Variants in DIAPH2 observed in about 807,000 individuals in gnomAD.
DIAPH2 encodes protein diaphanous homolog 2.
DIAPH2 carries 35 observed loss-of-function variants against 92.7 expected under a neutral mutation model. The observed-to-expected ratio is 0.38, with a 90% CI of 0.29 to 0.50. The LOEUF (loss-of-function observed/expected upper bound fraction) is 0.50, where lower values mean the gene tolerates loss of function less well. Among genes scored for constraint, DIAPH2 ranks in the 20% least tolerant of loss-of-function variants. The pLI, the probability that DIAPH2 is intolerant of heterozygous loss-of-function variation, is 0.94. For missense variants in DIAPH2, 701 were observed against 819.5 expected, an observed-to-expected ratio of 0.86 and a Z score of 1.77; for synonymous variants, 301 against 280.4, an observed-to-expected ratio of 1.07 and a Z score of -0.73.
At chrX:97,453,189 TAATG>T (rs1177762879) in intron 26 of DIAPH2, among the ~76,000 whole-genome samples, 55 of 111,760 alleles carry the variant, frequency 4.9e-4, no homozygotes, top group African/African-American at 1.7e-3. Context: ...ATTTTTACAT[TAATG>T]AATATCTTGA....
intron 4 of DIAPH2, among the ~76,000 whole-genome samples, chrX:96,765,468 A>G (rs6523057): frequency 0.16 from 17,402 of 110,779 alleles, 1,180 homozygotes; most frequent in East Asian, 0.32. Flanking sequence ...TAAAGTGCTG[A>G]GATTACAGGC....
At chrX:97,213,604 C>G (rs1381619358) in intron 22 of DIAPH2, among the ~76,000 whole-genome samples, 2 of 111,894 alleles carry the variant, frequency 1.8e-5, no homozygotes, top group Non-Finnish European at 3.8e-5. Flanking sequence ...CATCTCTTAG[C>G]AATGTTTCCA....
At chrX:97,104,474 G>A (rs147527705) in intron 20 of DIAPH2, among the ~76,000 whole-genome samples, 1,816 of 109,455 alleles carry the variant, frequency 0.017, 31 homozygotes, top group African/African-American at 0.057. Flanking sequence ...CTGCAGCCTC[G>A]AACTCCTAGG....
In DIAPH2 at chrX:97,602,564, C is replaced by CTGT. The variant is rs1430043008; in HGVS notation, c.*3249_*3251dup. 8.9e-6 allele frequency: 1 copy of CTGT among 112,467 alleles called. No individual in the cohort carries two copies. Among genetic ancestry groups the CTGT allele is most frequent in the East Asian group, 2.8e-4 (1 of 3,585 alleles). The allele number at this position is 112,467 out of a possible 1,213,427, so 9.3% of individuals were successfully genotyped here. Reference sequence around the variant, plus strand: ...TTTCAAAATCTAGCCAGGCAAATTTCTGTTATATTTCAAGGCCTGGCAGTA... The same window carrying CTGT: ...TTTCAAAATCTAGCCAGGCAAATTTCTGTTGTTATATTTCAAGGCCTGGCAGTA... On this transcript the variant is annotated 3_prime_UTR_variant, in exon 27 of 27. Coordinates refer to ENST00000324765, the MANE Select transcript of DIAPH2 (RefSeq NM_006729.5).
chrX:97,540,777 A>G (rs1733909644), intron 26 of DIAPH2, among the ~76,000 whole-genome samples: 1 of 112,353 alleles, frequency 8.9e-6, no homozygotes, highest in Non-Finnish European at 1.9e-5. Flanking sequence ...ATAATGAGCT[A>G]TAAAGATAGA....
Position 97,215,154 on chromosome X carries a change from T to A in DIAPH2, c.2720-32561T>A, listed in dbSNP as rs1339342217. Among the ~76,000 whole-genome samples the A allele has an allele frequency of 6.3e-5, 7 of 111,556 alleles. No individual in the cohort carries two copies. The Admixed American group carries it at 6.7e-4, about 11-fold the overall frequency. On this transcript the variant is annotated intron_variant, in intron 22 of 26. Transcript: ENST00000324765. Reference sequence around the variant, plus strand: ...AACATGCATAAAGGAAATATAATGATCTCATCAAATCTGTCTCCTTCTGAG... The same window carrying A: ...AACATGCATAAAGGAAATATAATGAACTCATCAAATCTGTCTCCTTCTGAG...
chrX:97,126,729 C>T lies in DIAPH2; in HGVS notation c.2589+11764C>T, dbSNP rs765756619. On this transcript the variant is annotated intron_variant, in intron 21 of 26. Transcript: ENST00000324765. ...GCTAACTAACCACAAGACAAGAAAG[C>T]GCATACTCTGTTAGATGATATCTAT... 1.3e-4 allele frequency among the ~76,000 whole-genome samples: 15 copies of T among 112,181 alleles called. No homozygotes were observed. In the South Asian group the frequency reaches 1.5e-3, roughly 11 times the overall value.
In DIAPH2 at chrX:97,511,184, A is replaced by C. The variant is rs1213490959; in HGVS notation, c.3241+81439A>C. Among the ~76,000 whole-genome samples the C allele has an allele frequency of 2.4e-4, 22 of 91,642 alleles. No individual in the cohort carries two copies. The South Asian group carries it at 2.9e-3, about 12-fold the overall frequency. The allele number at this position is 91,642 out of a possible 115,157, so 79.6% of individuals were successfully genotyped here. A position where few individuals can be genotyped will look rare whatever the true frequency, so the allele number is the denominator to read the frequency against. Reference sequence around the variant, plus strand: ...ATTTGTTTGTATCCTCTTTTATTTCATTGAGCAGTGGTTTGTAGTTCTCCT... The same window carrying C: ...ATTTGTTTGTATCCTCTTTTATTTCCTTGAGCAGTGGTTTGTAGTTCTCCT... On this transcript the variant is annotated intron_variant, in intron 26 of 26. Coordinates refer to ENST00000324765, the MANE Select transcript of DIAPH2 (RefSeq NM_006729.5).
chrX:96,922,309 C>T (rs1475800061), intron 9 of DIAPH2, among the ~76,000 whole-genome samples: 1 of 111,347 alleles, frequency 9.0e-6, no homozygotes, highest in Non-Finnish European at 1.9e-5. Flanking sequence ...TCTCTTCTTC[C>T]TGTGTTTCCT....
intron 26 of DIAPH2, among the ~76,000 whole-genome samples, chrX:97,435,459 A>G (rs1463878227): frequency 2.7e-5 from 3 of 111,841 alleles, no homozygotes; most frequent in Admixed American, 9.5e-5. Context: ...AAGCCTGTGC[A>G]GCATAGGAGT....
chrX:96,712,627 C>G (rs778719041), intron 1 of DIAPH2, among the ~76,000 whole-genome samples: 1 of 111,300 alleles, frequency 9.0e-6, no homozygotes, highest in Non-Finnish European at 1.9e-5. Flanking sequence ...AATCTCACAT[C>G]AATCTTCATC....
At chrX:96,754,662 C>T (rs376192500) in intron 3 of DIAPH2, among the ~76,000 whole-genome samples, 63 of 110,240 alleles carry the variant, frequency 5.7e-4, no homozygotes, top group African/African-American at 1.8e-3. Flanking sequence ...TGGTGGCTCA[C>T]GCTTGTAATC....
intron 19 of DIAPH2, among the ~76,000 whole-genome samples, chrX:97,091,400 C>T (rs1232360176): frequency 1.8e-5 from 2 of 110,608 alleles, no homozygotes; most frequent in African/African-American, 6.6e-5. Context: ...CTTGGCTTCC[C>T]GAGCAGCTGG....
intron 5 of DIAPH2, among the ~76,000 whole-genome samples, chrX:96,890,275 G>A (rs1230213878): frequency 2.7e-5 from 3 of 111,905 alleles, no homozygotes; most frequent in Non-Finnish European, 5.6e-5. Context: ...CTAAGCCTCT[G>A]TGTTCTGTAT....
Position 97,099,701 on chromosome X carries a change from T to G in DIAPH2, c.2255T>G (p.Val752Gly). The stretch of plus-strand genomic sequence containing the variant: ...ACTTTTATTTCTTTTTAGAACCTTG[T>G]GAAACATCTTCCTGAGCAGAAGATA... Reference protein sequence around the residue: ...MLSEALIQNLVKHLPEQKILN... With the variant: ...MLSEALIQNLGKHLPEQKILN... Residue 752 changes from valine to glycine, a missense_variant, in exon 20 of 27, where the codon GTG (valine) becomes GGG (glycine). By Grantham distance (109) the Val-to-Gly change is moderately radical (BLOSUM62 -3). Coordinates refer to ENST00000324765, the MANE Select transcript of DIAPH2 (RefSeq NM_006729.5). 8.6e-7 allele frequency: 1 copy of G among 1,167,864 alleles called. No homozygotes were observed. The highest frequency in any genetic ancestry group is 1.1e-6 in the Non-Finnish European group (1 of 874,182).
intron 25 of DIAPH2, among the ~76,000 whole-genome samples, chrX:97,401,491 G>A (rs747591373): frequency 9.0e-6 from 1 of 111,555 alleles, no homozygotes; most frequent in South Asian, 3.8e-4. Context: ...CTTTCAGCCT[G>A]AGTTTCTTCT....
intron 26 of DIAPH2, among the ~76,000 whole-genome samples, chrX:97,472,786 A>G (rs902841337): frequency 8.9e-6 from 1 of 112,312 alleles, no homozygotes; most frequent in African/African-American, 3.2e-5. Flanking sequence ...CAGTATCTCT[A>G]GTGTTTAGCA....
chrX:97,287,951 T>C, intron 23 of DIAPH2, among the ~76,000 whole-genome samples: 1 of 8,576 alleles, frequency 1.2e-4, no homozygotes, highest in Non-Finnish European at 2.1e-4. Flanking sequence ...AGACTCTGTC[T>C]CAAAAAAAAA....
intron 17 of DIAPH2, among the ~76,000 whole-genome samples, chrX:97,062,469 G>C (rs181984271): frequency 3.2e-3 from 357 of 111,244 alleles, no homozygotes; most frequent in African/African-American, 0.011. Flanking sequence ...CAGTAGGTAT[G>C]AGTGTGTTAG....
Sources: gnomAD v4.1 joint callset for allele counts (sites outside exome capture counted in the v4.1 genomes callset) on GRCh38, gnomAD v4.1.1 for gene constraint, MANE v1.5 for transcripts, NCBI Gene and HGNC (gene_info 2026-07-23, HGNC 2026-07-21) for gene names.